Variants in TRUB1 observed in about 807,000 individuals in gnomAD.
TRUB1 encodes pseudouridylate synthase TRUB1.
Under a neutral mutation model 33.9 loss-of-function variants are expected in TRUB1, and 23 were observed. The observed-to-expected ratio is 0.68, with a 90% confidence interval of 0.49 to 0.96. TRUB1 has a LOEUF of 0.96. Among genes scored for constraint, TRUB1 ranks in the 40% least tolerant of loss-of-function variants. The probability of loss-of-function intolerance (pLI) is 0.00; values close to 1 mark genes in which losing one functional copy is unlikely to be tolerated. For synonymous variants in TRUB1, 163 were observed against 165.4 expected, an observed-to-expected ratio of 0.99 and a Z score of 0.11; for missense variants, 378 against 422.2, an observed-to-expected ratio of 0.90 and a Z score of 0.92.
rs77630492 is a variant in TRUB1, at chr10:114,964,249, T to A, written c.523+4442T>A. On this transcript the variant is annotated intron_variant, in intron 4 of 7. Transcript: ENST00000298746. ...ATTATTGATGAGATTTGGCACCTTATTAAGTGTTTTTGGCTTATTAGCCAT... is the reference window on the plus strand; with the variant it reads ...ATTATTGATGAGATTTGGCACCTTAATAAGTGTTTTTGGCTTATTAGCCAT... 5.8e-3 allele frequency among the ~76,000 whole-genome samples: 878 copies of A among 152,310 alleles called. 11 individuals carry two copies. Among genetic ancestry groups the A allele is most frequent in the African/African-American group, 0.02 (816 of 41,552 alleles).
chr10:114,945,869 A>G (rs955167028), intron 2 of TRUB1, among the ~76,000 whole-genome samples: 2 of 152,210 alleles, frequency 1.3e-5, no homozygotes, highest in South Asian at 2.1e-4. Flanking sequence ...ATTGTATTGG[A>G]AACAGTTTTC....
At chr10:114,966,602 C>G (rs2084309808) in intron 4 of TRUB1, among the ~76,000 whole-genome samples, 1 of 152,122 alleles carries the variant, frequency 6.6e-6, no homozygotes, top group Non-Finnish European at 1.5e-5. Context: ...CAATATCAAG[C>G]CTTCTGACCC....
At chr10:114,942,503 G>C (rs979931273) in intron 1 of TRUB1, 142 bp from the exon 2 acceptor site, 1 of 573,468 alleles carries the variant, frequency 1.7e-6, no homozygotes, top group Non-Finnish European at 3.1e-6. Context: ...TAGTAATGAG[G>C]TCATAGTCTC....
At chr10:114,968,970 G>A (rs2143026112) in intron 4 of TRUB1, among the ~76,000 whole-genome samples, 1 of 152,048 alleles carries the variant, frequency 6.6e-6, no homozygotes, top group East Asian at 1.9e-4. Flanking sequence ...TCTTACCATT[G>A]GCTGTGAACT....
At chr10:114,939,696 G>T (rs1225522051) in intron 1 of TRUB1, among the ~76,000 whole-genome samples, 1 of 152,092 alleles carries the variant, frequency 6.6e-6, no homozygotes, top group African/African-American at 2.4e-5. Context: ...TGAAAGTATG[G>T]GTCATACAGA....
At chr10:114,974,248 A>G in intron 6 of TRUB1, 81 bp from the exon 7 acceptor site, 1 of 1,032,798 alleles carries the variant, frequency 9.7e-7, no homozygotes, top group Non-Finnish European at 1.5e-6. Flanking sequence ...GCATTTTTAC[A>G]TTTGTTTAGG....
intron 2 of TRUB1, among the ~76,000 whole-genome samples, chr10:114,943,304 C>T (rs949839566): frequency 1.3e-5 from 2 of 151,900 alleles, no homozygotes; most frequent in South Asian, 2.1e-4. Context: ...GGCTGAGGCG[C>T]GTGGATCACA....
At chr10:114,948,477 C>T (rs2084220636) in intron 2 of TRUB1, among the ~76,000 whole-genome samples, 1 of 152,116 alleles carries the variant, frequency 6.6e-6, no homozygotes, top group Non-Finnish European at 1.5e-5. Flanking sequence ...TGTACCTACA[C>T]AATAAGTACT....
At chr10:114,957,631 T>G (rs531295163) in intron 3 of TRUB1, among the ~76,000 whole-genome samples, 1 of 152,294 alleles carries the variant, frequency 6.6e-6, no homozygotes, top group South Asian at 2.1e-4. Context: ...TAAGGTTTGA[T>G]CCTTAGAGAA....
At chr10:114,970,524 C>T (rs745685611) in intron 5 of TRUB1, 84 bp downstream of exon 5, 7 of 1,039,546 alleles carry the variant, frequency 6.7e-6, no homozygotes, top group African/African-American at 1.6e-5. Context: ...ACACGAGTTT[C>T]CTCTTAGCAT....
At chr10:114,944,363 C>T (rs958871492) in intron 2 of TRUB1, among the ~76,000 whole-genome samples, 14 of 152,184 alleles carry the variant, frequency 9.2e-5, no homozygotes, top group Admixed American at 2.0e-4. Context: ...GCTTCAAGAA[C>T]ATTATATACT....
At chr10:114,957,481 C>T (rs1407197347) in intron 3 of TRUB1, among the ~76,000 whole-genome samples, 2 of 152,218 alleles carry the variant, frequency 1.3e-5, no homozygotes, top group East Asian at 3.8e-4. Context: ...CCTTAAGAAA[C>T]ATGATCGAAT....
intron 2 of TRUB1, among the ~76,000 whole-genome samples, chr10:114,947,772 A>G (rs984803606): frequency 6.6e-6 from 1 of 152,202 alleles, no homozygotes; most frequent in African/African-American, 2.4e-5. Context: ...TCCCTATTTG[A>G]GGTCACTGAG....
Position 114,942,668 on chromosome 10 carries a change from T to G in TRUB1, c.310T>G (p.Trp104Gly). The G allele has an allele frequency of 1.2e-6, 2 of 1,613,984 alleles. No homozygotes were observed. The highest frequency in any genetic ancestry group is 2.7e-5 in the African/African-American group (2 of 75,056). ...AGAAGCTGGAATGCCTTCTCCAGAA[T>G]GGACCAAGAGGAAAAAGCAGACTTT... ...LAEAGMPSPE[W>G]TKRKKQTLKI... Residue 104 changes from tryptophan (W) to glycine (G), a missense_variant, in exon 2 of 8, where the codon TGG (tryptophan) becomes GGG (glycine). Physicochemically the swap from Trp to Gly is radical, Grantham distance 184. Coordinates refer to ENST00000298746, the MANE Select transcript of TRUB1 (RefSeq NM_139169.5).
At chr10:114,974,065 G>A (rs1187068730) in intron 6 of TRUB1, among the ~76,000 whole-genome samples, 2 of 152,166 alleles carry the variant, frequency 1.3e-5, no homozygotes, top group Non-Finnish European at 2.9e-5. Flanking sequence ...AAATGAACAA[G>A]GCTGAAGTAT....
chr10:114,941,639 G>A (rs943326210), intron 1 of TRUB1, among the ~76,000 whole-genome samples: 4 of 152,048 alleles, frequency 2.6e-5, no homozygotes, highest in Non-Finnish European at 5.9e-5. Context: ...CACTGTGCCC[G>A]GCTCACTTTA....
intron 1 of TRUB1, among the ~76,000 whole-genome samples, chr10:114,939,504 ATTGT>A (rs2084175491): frequency 6.6e-6 from 1 of 152,172 alleles, no homozygotes; most frequent in African/African-American, 2.4e-5. Context: ...ACTTTCTTAC[ATTGT>A]TTAGTGTCCC....
chr10:114,938,237 GT>G lies in TRUB1; in HGVS notation c.-16del. ...AGCGTGCACCTCCACGATGAAACAG[GT>G]CTGGGCTACAAAAGTATGGCCGCTT... On this transcript the variant is annotated 5_prime_UTR_variant, in exon 1 of 8. Transcript: ENST00000298746. 1 of 1,613,162 alleles carries G rather than the reference GT, an allele frequency of 6.2e-7. No individual in the cohort carries two copies. Among genetic ancestry groups the G allele is most frequent in the East Asian group, 2.2e-5 (1 of 44,868 alleles).
chr10:114,950,144 C>T (rs564841924), intron 2 of TRUB1, among the ~76,000 whole-genome samples: 9 of 152,162 alleles, frequency 5.9e-5, no homozygotes, highest in South Asian at 2.1e-4. Context: ...GTGATCCGCC[C>T]GCCTCAACCT....
Sources: gnomAD v4.1 joint callset for allele counts (sites outside exome capture counted in the v4.1 genomes callset) on GRCh38, gnomAD v4.1.1 for gene constraint, MANE v1.5 for transcripts, NCBI Gene and HGNC (gene_info 2026-07-23, HGNC 2026-07-21) for gene names.